The following TRMO variants were observed in gnomAD, a reference collection of about 807,000 sequenced individuals.
TRMO encodes the protein tRNA methyltransferase O, also known as tRNA (adenine(37)-N6)-methyltransferase.
In TRMO, 30 loss-of-function variants were observed where a neutral mutation model predicts 37.2. The ratio of observed to expected loss-of-function variants is 0.81; its 90% confidence interval spans 0.60 to 1.09. The LOEUF is 1.09. Among genes scored for constraint, TRMO ranks in the 50% least tolerant of loss-of-function variants. TRMO has a pLI of 0.00. For synonymous variants in TRMO, 239 were observed against 199.4 expected (o/e 1.20, Z -1.67); for missense variants, 552 against 549.5 (o/e 1.00, Z -0.05).
At chr9:97,898,816 T>C in the TRMO span, among the ~76,000 whole-genome samples, 1 of 148,718 alleles carries the variant, frequency 6.7e-6, no homozygotes, top group African/African-American at 2.5e-5. Flanking sequence ...TGATTATAAT[T>C]GCATTTTCAT....
chr9:97,908,736 C>T (rs1414617709), intron 4 of TRMO, among the ~76,000 whole-genome samples: 1 of 152,186 alleles, frequency 6.6e-6, no homozygotes, highest in Non-Finnish European at 1.5e-5. Flanking sequence ...TTGTCTCTCT[C>T]CTCCCCATTA....
intron 3 of TRMO, chr9:97,911,342 T>C (rs765310277): frequency 2.6e-5 from 4 of 155,230 alleles, no homozygotes; most frequent in Admixed American, 1.9e-4. Flanking sequence ...AGCAAGGAAC[T>C]GCAAACAGCC....
chr9:97,918,493 T>C (rs986461738), intron 1 of TRMO, among the ~76,000 whole-genome samples: 1 of 152,184 alleles, frequency 6.6e-6, no homozygotes, highest in Non-Finnish European at 1.5e-5. Flanking sequence ...GGCTACCACT[T>C]TGAATTTATT....
the TRMO span, among the ~76,000 whole-genome samples, chr9:97,898,277 G>C: frequency 6.6e-6 from 1 of 152,168 alleles, no homozygotes; most frequent in African/African-American, 2.4e-5. Context: ...GAGCAGAAAG[G>C]ATAAGAATAG....
At position 97,904,654 on chromosome 9, in the gene TRMO, C is replaced by T; in HGVS notation, c.*79G>A. 7 of 1,562,906 alleles carry T rather than the reference C, an allele frequency of 4.5e-6. No individual in the cohort carries two copies. The highest frequency in any genetic ancestry group is 8.6e-7 in the Non-Finnish European group (1 of 1,156,298). On this transcript the variant is annotated 3_prime_UTR_variant, in exon 5 of 5. Coordinates refer to ENST00000375119, the MANE Select transcript of TRMO (RefSeq NM_016481.5). ...GATCACAAAGTGTTGCTTCTCGACA[C>T]AACATTAGCTTGTTCAGAAAATCCA...
intron 1 of TRMO, among the ~76,000 whole-genome samples, chr9:97,917,448 C>G (rs1330875555): frequency 1.3e-5 from 2 of 152,032 alleles, no homozygotes; most frequent in Non-Finnish European, 2.9e-5. Flanking sequence ...TTCTCATTGT[C>G]TAGTACATTG....
chr9:97,903,498 C>T (rs1825731144), downstream of TRMO, among the ~76,000 whole-genome samples: 1 of 152,154 alleles, frequency 6.6e-6, no homozygotes, highest in Admixed American at 6.5e-5. Flanking sequence ...ATTAGGAAAG[C>T]ATGTATCATG....
intron 1 of TRMO, 136 bp from the exon 2 acceptor site, chr9:97,916,474 G>A: frequency 1.6e-6 from 1 of 626,928 alleles, no homozygotes; most frequent in Non-Finnish European, 2.8e-6. Flanking sequence ...GATTTTTATA[G>A]TATTCATGAA....
chr9:97,907,671 C>A (rs188660255), intron 4 of TRMO, among the ~76,000 whole-genome samples: 1 of 152,232 alleles, frequency 6.6e-6, no homozygotes, highest in Admixed American at 6.5e-5. Flanking sequence ...TCTGGGGATA[C>A]GGACATCAAG....
intron 1 of TRMO, among the ~76,000 whole-genome samples, 197 bp from the exon 2 acceptor site, chr9:97,916,535 TAC>T (rs1332320264): frequency 6.6e-6 from 1 of 152,044 alleles, no homozygotes; most frequent in Non-Finnish European, 1.5e-5. Flanking sequence ...CATACATCAT[TAC>T]ATACATAGTA....
At chr9:97,910,637 A>T (rs1315375845) in intron 3 of TRMO, 21 bp from the exon 4 acceptor site, 1 of 1,608,814 alleles carries the variant, frequency 6.2e-7, no homozygotes, top group Non-Finnish European at 8.5e-7. Context: ...AAAACGTGAA[A>T]AATGAAGAAC....
At chr9:97,903,744 C>T (rs1825737432), downstream of TRMO, among the ~76,000 whole-genome samples, 1 of 152,128 alleles carries the variant, frequency 6.6e-6, no homozygotes, top group Admixed American at 6.6e-5. Flanking sequence ...TATTTTATCA[C>T]CAAAACCTAA....
At chr9:97,922,024 T>C (rs890072021) in intron 1 of TRMO, among the ~76,000 whole-genome samples, 7 of 152,106 alleles carry the variant, frequency 4.6e-5, no homozygotes, top group African/African-American at 1.4e-4. Context: ...CCCCAGAAAC[T>C]TTCCCCCTTC....
chr9:97,899,589 A>G (rs1466297991), downstream of TRMO, among the ~76,000 whole-genome samples: 1 of 152,006 alleles, frequency 6.6e-6, no homozygotes, highest in African/African-American at 2.4e-5. Context: ...AAATATTTCT[A>G]TAATTAAAAA....
At chr9:97,912,602 T>A (rs1258915942) in intron 3 of TRMO, 1 of 271,068 alleles carries the variant, frequency 3.7e-6, no homozygotes, top group East Asian at 9.7e-5. Context: ...TAGTGTCCAA[T>A]AGCCTGAAAA....
chr9:97,918,232 AAAAAAAT>A (rs1826462426), intron 1 of TRMO, among the ~76,000 whole-genome samples: 1 of 151,078 alleles, frequency 6.6e-6, no homozygotes, highest in Non-Finnish European at 1.5e-5. Flanking sequence ...AGTACAAAAA[AAAAAAAT>A]AATTAGCCAG....
rs747862063 is a variant in TRMO at position 97,913,501 on chromosome 9, A to T, written c.309T>A (p.Pro103=). 1 of 1,614,088 alleles carries T rather than the reference A, an allele frequency of 6.2e-7. No individual in the cohort carries two copies. The highest frequency in any genetic ancestry group is 1.1e-5 in the South Asian group (1 of 91,068). Residue 103 remains proline (P), a synonymous_variant, in exon 3 of 5, where the codon CCT becomes CCA. Coordinates refer to ENST00000375119, the MANE Select transcript of TRMO (RefSeq NM_016481.5). ...CAGTCTTTGCACCATTCAGCCTAGGAGGCTGCACTTTTGCCTTACAGCTCA... is the reference window on the plus strand; with the variant it reads ...CAGTCTTTGCACCATTCAGCCTAGGTGGCTGCACTTTTGCCTTACAGCTCA... ...GHLSCKAKVQ[P]PRLNGAKTGV...
chr9:97,918,842 C>G (rs748523192), intron 1 of TRMO, among the ~76,000 whole-genome samples: 4 of 152,218 alleles, frequency 2.6e-5, no homozygotes, highest in African/African-American at 9.6e-5. Context: ...TCACACCCTT[C>G]TTTTCCCTCT....
chr9:97,912,897 GT>G, intron 3 of TRMO: 1 of 1,302,004 alleles, frequency 7.7e-7, no homozygotes, highest in Non-Finnish European at 1.0e-6. Flanking sequence ...TCCTTGTAGT[GT>G]GATTCATCCC....
Sources: gnomAD v4.1 joint callset for allele counts (sites outside exome capture counted in the v4.1 genomes callset) on GRCh38, gnomAD v4.1.1 for gene constraint, MANE v1.5 for transcripts, NCBI Gene and HGNC (gene_info 2026-07-23, HGNC 2026-07-21) for gene names.